Variants in FAM227A observed in about 807,000 individuals in gnomAD.
FAM227A encodes protein FAM227A.
A neutral mutation model predicts 74.7 loss-of-function variants in FAM227A; 80 were observed. That is an observed-to-expected ratio of 1.07 (90% confidence interval 0.89 to 1.29). FAM227A has a LOEUF of 1.29. FAM227A is among the 50% of genes most tolerant of loss of function. The pLI is 0.00. For synonymous variants in FAM227A, 237 were observed against 241.8 expected (o/e 0.98, Z 0.19); for missense variants, 654 against 683.4 (o/e 0.96, Z 0.48).
At chr22:38,610,173 C>T (rs966029951) in intron 11 of FAM227A, among the ~76,000 whole-genome samples, 1 of 152,052 alleles carries the variant, frequency 6.6e-6, no homozygotes, top group African/African-American at 2.4e-5. Flanking sequence ...ACCACCACAC[C>T]TGGCTAATTT....
rs1386480943 is a variant in FAM227A, at chr22:38,656,376, T to G, written c.-351A>C. The G allele has an allele frequency of 6.6e-6, 1 of 152,308 alleles. No homozygotes were observed. The highest frequency in any genetic ancestry group is 1.5e-5 in the Non-Finnish European group (1 of 68,122). The allele number at this position is 152,308 out of a possible 1,614,324, so 9.4% of individuals were successfully genotyped here. On this transcript the variant is annotated 5_prime_UTR_variant, in exon 1 of 17. Coordinates refer to ENST00000535113, the MANE Select transcript of FAM227A (RefSeq NM_001013647.2). ...GTTTAGCATAACAATGGAACCTTCGTGAGCCGCCGCGTTGTCCGCGAGATG... is the reference window on the plus strand; with the variant it reads ...GTTTAGCATAACAATGGAACCTTCGGGAGCCGCCGCGTTGTCCGCGAGATG...
intron 11 of FAM227A, among the ~76,000 whole-genome samples, chr22:38,616,225 G>GGA (rs1007120129): frequency 1.3e-5 from 2 of 152,210 alleles, no homozygotes; most frequent in Admixed American, 1.3e-4. Flanking sequence ...AGATGGGAGT[G>GGA]GCCAACCACA....
chr22:38,606,980 C>T (rs1053492873), intron 12 of FAM227A, among the ~76,000 whole-genome samples: 14 of 152,012 alleles, frequency 9.2e-5, no homozygotes, highest in Non-Finnish European at 1.8e-4. Context: ...AGTTCGAGAC[C>T]AGCCTGGCCA....
chr22:38,614,593 C>A (rs1488867640), intron 11 of FAM227A, among the ~76,000 whole-genome samples: 1 of 152,176 alleles, frequency 6.6e-6, no homozygotes, highest in Non-Finnish European at 1.5e-5. Context: ...GAAAACGTGT[C>A]TGCTCTTGAT....
intron 10 of FAM227A, 84 bp downstream of exon 10, chr22:38,623,088 T>C (rs1379846588): frequency 9.4e-6 from 9 of 955,460 alleles, no homozygotes; most frequent in African/African-American, 1.6e-5. Flanking sequence ...AGGACATCAA[T>C]GCTAAGGCCT....
At chr22:38,618,084 G>A (rs1447018862) in intron 11 of FAM227A, among the ~76,000 whole-genome samples, 1 of 152,156 alleles carries the variant, frequency 6.6e-6, no homozygotes, top group Non-Finnish European at 1.5e-5. Flanking sequence ...AGCCCAGAGG[G>A]GCAGAAAGCT....
chr22:38,607,563 T>A, intron 11 of FAM227A, 87 bp from the exon 12 acceptor site: 1 of 884,782 alleles, frequency 1.1e-6, no homozygotes, highest in Non-Finnish European at 1.8e-6. Flanking sequence ...TACAAAAAAG[T>A]AATACATGCA....
At position 38,582,662 on chromosome 22, in the gene FAM227A, C is replaced by T. The variant is rs1056173838; in HGVS notation, c.*3463G>A. The T allele has an allele frequency of 2.5e-6, 2 of 786,340 alleles. No individual in the cohort carries two copies. The highest frequency in any genetic ancestry group is 1.8e-5 in the South Asian group (1 of 54,910). 48.7% of individuals were successfully genotyped at this position (786,340 alleles called of 1,614,324 possible). A position where few individuals can be genotyped will look rare whatever the true frequency, so the allele number is the denominator to read the frequency against. ...GGGTCCATGCAGGGATGATCTTGGA[C>T]TGTGCAACAAATGGTCCTGACAGAC... On this transcript the variant is annotated 3_prime_UTR_variant, in exon 17 of 17. Coordinates refer to ENST00000535113, the MANE Select transcript of FAM227A (RefSeq NM_001013647.2).
chr22:38,585,995 C>A lies in FAM227A; in HGVS notation c.*130G>T, dbSNP rs1464834571. 1.3e-6 allele frequency: 2 copies of A among 1,535,330 alleles called. No individual in the cohort carries two copies. The highest frequency in any genetic ancestry group is 4.2e-5 in the Admixed American group (2 of 47,828). ...GGAAAAACTACAACGGAATCCTTCC[C>A]CTATGGAGAAATCATGATTCCTATT... is the stretch of plus-strand genomic sequence containing the variant. On this transcript the variant is annotated 3_prime_UTR_variant, in exon 17 of 17. Coordinates refer to ENST00000535113, the MANE Select transcript of FAM227A (RefSeq NM_001013647.2).
intron 3 of FAM227A, among the ~76,000 whole-genome samples, chr22:38,642,494 T>A (rs540194192): frequency 5.9e-5 from 9 of 152,146 alleles, no homozygotes; most frequent in Non-Finnish European, 1.2e-4. Flanking sequence ...ACACAGAAGG[T>A]ACAATCCATG....
chr22:38,578,580 A>G lies in FAM227A; in HGVS notation c.*7545T>C, dbSNP rs979873832. The G allele has an allele frequency of 6.6e-6, 1 of 152,198 alleles. No individual in the cohort carries two copies. Among genetic ancestry groups the G allele is most frequent in the Non-Finnish European group, 1.5e-5 (1 of 68,048 alleles). 9.4% of individuals were successfully genotyped at this position (152,198 alleles called of 1,614,324 possible). The stretch of plus-strand genomic sequence containing the variant: ...AAAGACAGGTAGGTACCTGCCCTCA[A>G]GGAGCCATGAGTCTAGTAGAGAAGA... On this transcript the variant is annotated 3_prime_UTR_variant, in exon 17 of 17. Transcript: ENST00000535113.
chr22:38,636,850 CA>C (rs1407625697), intron 5 of FAM227A, among the ~76,000 whole-genome samples: 5 of 149,980 alleles, frequency 3.3e-5, no homozygotes, highest in African/African-American at 1.2e-4. Context: ...CGACTCACTG[CA>C]ACCTCTGCCT....
In FAM227A at chr22:38,585,176, C is replaced by T. The variant is rs2090779912; in HGVS notation, c.*949G>A. 6.6e-6 allele frequency: 1 copy of T among 152,098 alleles called. No homozygotes were observed. Among genetic ancestry groups the T allele is most frequent in the South Asian group, 2.1e-4 (1 of 4,834 alleles). 9.4% of individuals were successfully genotyped at this position (152,098 alleles called of 1,614,324 possible). ...TATGGTAGGAATGAACTTTACTATTCCTTGTCTCATGAACTGGGAGTGACT... is the reference window on the plus strand; with the variant it reads ...TATGGTAGGAATGAACTTTACTATTTCTTGTCTCATGAACTGGGAGTGACT... On this transcript the variant is annotated 3_prime_UTR_variant, in exon 17 of 17. Coordinates refer to ENST00000535113, the MANE Select transcript of FAM227A (RefSeq NM_001013647.2).
rs577679462 is a variant in FAM227A, at chr22:38,604,025, C to T, written c.1221+1229G>A. 5.9e-5 allele frequency among the ~76,000 whole-genome samples: 9 copies of T among 152,214 alleles called. No individual in the cohort carries two copies. In the East Asian group the frequency reaches 1.2e-3, roughly 20 times the overall value. On this transcript the variant is annotated intron_variant, in intron 13 of 16. Coordinates refer to ENST00000535113, the MANE Select transcript of FAM227A (RefSeq NM_001013647.2). The stretch of plus-strand genomic sequence containing the variant: ...TAAAAACTTCTAAGGTAAAACACCA[C>T]GATTAAAGTCAAAAGATTAGCCCAG...
intron 11 of FAM227A, among the ~76,000 whole-genome samples, chr22:38,612,903 A>G (rs1247682894): frequency 6.7e-6 from 1 of 150,200 alleles, no homozygotes; most frequent in Admixed American, 6.8e-5. Flanking sequence ...GTGCACCTTT[A>G]ATACATTTCT....
rs1395119559 is a variant in FAM227A at position 38,636,479 on chromosome 22, C to T, written c.491G>A (p.Arg164Gln). 16 of 1,551,382 alleles carry T rather than the reference C, an allele frequency of 1.0e-5. No individual in the cohort carries two copies. The highest frequency in any genetic ancestry group is 4.1e-5 in the African/African-American group (3 of 73,022). ...DFCDMVGNVV[R>Q]AERDCLSGKH... ...GCCACTAAGGCAGTCTCTCTCAGCC[C>T]GGACCACGTTGCCCACCATGTCACA... The change falls in exon 6 of 17, where the codon CGG becomes CAG. Residue 164 changes from arginine to glutamine, a missense_variant. Coordinates refer to ENST00000535113, the MANE Select transcript of FAM227A (RefSeq NM_001013647.2).
Position 38,597,245 on chromosome 22 carries a change from A to G in FAM227A, c.1491T>C (p.Tyr497=), listed in dbSNP as rs769531903. 113 of 1,552,186 alleles carry G rather than the reference A, an allele frequency of 7.3e-5. 1 individual carries two copies. The highest frequency in any genetic ancestry group is 9.2e-5 in the Non-Finnish European group (106 of 1,147,118). ...LYQHHWTEWN[Y]FDKHLKELQD... ...GCAGCTCCTTTAGATGCTTGTCAAAATAATTCCATTCAGTCCAATGATGCT... is the reference window on the plus strand; with the variant it reads ...GCAGCTCCTTTAGATGCTTGTCAAAGTAATTCCATTCAGTCCAATGATGCT... Residue 497 remains tyrosine (Y), a synonymous_variant, in exon 15 of 17, where the codon TAT becomes TAC. Transcript: ENST00000535113.
chr22:38,639,741 A>C lies in FAM227A; in HGVS notation c.226-17T>G. 1.3e-6 allele frequency: 2 copies of C among 1,502,278 alleles called. No homozygotes were observed. The highest frequency in any genetic ancestry group is 1.8e-6 in the Non-Finnish European group (2 of 1,101,912). The allele number at this position is 1,502,278 out of a possible 1,614,324, so 93.1% of individuals were successfully genotyped here. On this transcript the variant is annotated splice_polypyrimidine_tract_variant and intron_variant, in intron 3 of 16. Transcript: ENST00000535113. ...CTCAATTGCCTTCAAAAACCAAGAA[A>C]AAGGGGGGCATTAGGGATTAATGCA... is the stretch of plus-strand genomic sequence containing the variant.
intron 16 of FAM227A, among the ~76,000 whole-genome samples, chr22:38,587,331 TGTTA>T: frequency 6.6e-6 from 1 of 152,182 alleles, no homozygotes; most frequent in East Asian, 1.9e-4. Flanking sequence ...AGAAACAAAA[TGTTA>T]GTTATCAACA....
Sources: gnomAD v4.1 joint callset for allele counts (sites outside exome capture counted in the v4.1 genomes callset) on GRCh38, gnomAD v4.1.1 for gene constraint, MANE v1.5 for transcripts, NCBI Gene and HGNC (gene_info 2026-07-23, HGNC 2026-07-21) for gene names.